SNTG2: variants seen among roughly 807,000 people sequenced by gnomAD.
SNTG2 encodes the protein gamma-2-syntrophin.
A neutral mutation model predicts 70.9 loss-of-function variants in SNTG2; 74 were observed. The ratio of observed to expected loss-of-function variants is 1.04; its 90% confidence interval spans 0.86 to 1.27. The LOEUF is 1.27. SNTG2 is among the 50% of genes most tolerant of loss of function. The pLI, the probability that SNTG2 is intolerant of heterozygous loss-of-function variation, is 0.00. For synonymous variants in SNTG2, 278 were observed against 273.8 expected (o/e 1.02, Z -0.15); for missense variants, 717 against 690.7 (o/e 1.04, Z -0.43).
chr2:1,204,553 T>C (rs1174655689), intron 8 of SNTG2, among the ~76,000 whole-genome samples: 1 of 152,182 alleles, frequency 6.6e-6, no homozygotes, highest in African/African-American at 2.4e-5. Context: ...AAGTTTTAAA[T>C]TGTGCACATT....
intron 6 of SNTG2, among the ~76,000 whole-genome samples, chr2:1,144,795 C>T (rs376121622): frequency 3.3e-5 from 5 of 152,196 alleles, no homozygotes; most frequent in African/African-American, 1.2e-4. Context: ...CCTCCCGTAA[C>T]ACATGGGAAT....
chr2:1,311,795 T>C (rs1681004968), intron 15 of SNTG2, among the ~76,000 whole-genome samples: 1 of 152,232 alleles, frequency 6.6e-6, no homozygotes, highest in Non-Finnish European at 1.5e-5. Flanking sequence ...GGAGTTACCA[T>C]GCTTATATTC....
chr2:1,059,909 A>G (rs930080644), intron 1 of SNTG2, among the ~76,000 whole-genome samples: 1 of 152,180 alleles, frequency 6.6e-6, no homozygotes, highest in Non-Finnish European at 1.5e-5. Flanking sequence ...CAGGGGTACA[A>G]AAGTTCAGTA....
chr2:1,285,894 T>C (rs571856645), intron 14 of SNTG2, among the ~76,000 whole-genome samples: 6 of 152,306 alleles, frequency 3.9e-5, no homozygotes, highest in Admixed American at 1.3e-4. Context: ...ACCTTAATCA[T>C]AGGGCATGGT....
intron 1 of SNTG2, among the ~76,000 whole-genome samples, chr2:987,264 G>A (rs1419405427): frequency 6.6e-6 from 1 of 152,174 alleles, no homozygotes. Context: ...GACTGCGCTG[G>A]GTTAAAGCCA....
At chr2:1,030,455 A>T (rs1379413531) in intron 1 of SNTG2, among the ~76,000 whole-genome samples, 3 of 152,184 alleles carry the variant, frequency 2.0e-5, no homozygotes, top group Non-Finnish European at 4.4e-5. Context: ...GTACAAACAC[A>T]CAACAAGATG....
chr2:1,152,794 A>T (rs1345373263), intron 6 of SNTG2, among the ~76,000 whole-genome samples: 2 of 152,192 alleles, frequency 1.3e-5, no homozygotes, highest in African/African-American at 2.4e-5. Flanking sequence ...ATTTACTTAA[A>T]GTTAACTGAT....
intron 1 of SNTG2, among the ~76,000 whole-genome samples, chr2:991,407 A>ACACAC (rs1553305482): frequency 6.6e-5 from 10 of 151,232 alleles, no homozygotes; most frequent in Middle Eastern, 3.4e-3. Context: ...ACACACACAC[A>ACACAC]ATTATGACTT....
chr2:1,234,430 CTAA>C (rs1676471700), intron 9 of SNTG2, among the ~76,000 whole-genome samples: 1 of 152,192 alleles, frequency 6.6e-6, no homozygotes, highest in African/African-American at 2.4e-5. Flanking sequence ...AAATTACAGA[CTAA>C]TAATGTTTAT....
chr2:1,214,903 A>G (rs1162842747), intron 9 of SNTG2, among the ~76,000 whole-genome samples: 1 of 152,200 alleles, frequency 6.6e-6, no homozygotes, highest in Admixed American at 6.5e-5. Flanking sequence ...GTTGAAGTAC[A>G]TTCCCTTCAT....
chr2:958,897 CAA>C (rs1362823705), intron 1 of SNTG2, among the ~76,000 whole-genome samples: 1 of 152,074 alleles, frequency 6.6e-6, no homozygotes, highest in African/African-American at 2.4e-5. Flanking sequence ...ATATCTAAAA[CAA>C]TGATGCTTGG....
chr2:1,304,068 A>G (rs1680573013), intron 14 of SNTG2, among the ~76,000 whole-genome samples: 2 of 152,234 alleles, frequency 1.3e-5, no homozygotes, highest in South Asian at 2.1e-4. Flanking sequence ...TTCTAGAAGA[A>G]AAAAGGAAGA....
At chr2:1,174,791 A>G (rs1195015291) in intron 8 of SNTG2, among the ~76,000 whole-genome samples, 1 of 151,950 alleles carries the variant, frequency 6.6e-6, no homozygotes, top group Non-Finnish European at 1.5e-5. Context: ...AGTTTTGTTT[A>G]CTGTTTCTAT....
rs1465333707 is a variant in SNTG2, at chr2:974,472, A to AGGGCATCAGTGC, written c.72+23405_72+23416dup. Among the ~76,000 whole-genome samples the AGGGCATCAGTGC allele has an allele frequency of 5.3e-5, 8 of 152,250 alleles. No homozygotes were observed. In the South Asian group the frequency reaches 1.0e-3, roughly 20 times the overall value. On this transcript the variant is annotated intron_variant, in intron 1 of 16. Transcript: ENST00000308624. ...TCAGTTTGACCCTGGGGTGAGCGTT[A>AGGGCATCAGTGC]GGGCATCAGTGCATAAGTGACCCCT...
At chr2:1,177,673 G>GA (rs916968290) in intron 8 of SNTG2, among the ~76,000 whole-genome samples, 5 of 149,284 alleles carry the variant, frequency 3.3e-5, no homozygotes, top group African/African-American at 5.0e-5. Context: ...TGCTTCAAAA[G>GA]AAAAAAATAA....
intron 1 of SNTG2, among the ~76,000 whole-genome samples, chr2:967,565 C>T (rs1660607988): frequency 6.6e-6 from 1 of 152,142 alleles, no homozygotes; most frequent in African/African-American, 2.4e-5. Flanking sequence ...CCTTTGGTCA[C>T]AATGTATCAT....
chr2:1,257,933 C>T (rs1678214569), intron 12 of SNTG2, among the ~76,000 whole-genome samples: 1 of 152,180 alleles, frequency 6.6e-6, no homozygotes, highest in Admixed American at 6.5e-5. Context: ...GAAGATGTCT[C>T]TGAATAGGGT....
intron 12 of SNTG2, among the ~76,000 whole-genome samples, chr2:1,254,032 C>A (rs902305613): frequency 2.0e-5 from 3 of 152,172 alleles, no homozygotes; most frequent in African/African-American, 7.2e-5. Context: ...AAGGGCAAAT[C>A]CACCCCCATG....
intron 1 of SNTG2, among the ~76,000 whole-genome samples, chr2:1,038,302 T>C (rs544051864): frequency 2.2e-4 from 34 of 152,376 alleles, no homozygotes; most frequent in African/African-American, 8.2e-4. Flanking sequence ...ATTCATTTTC[T>C]GTAACCACGT....
Sources: gnomAD v4.1 joint callset for allele counts (sites outside exome capture counted in the v4.1 genomes callset) on GRCh38, gnomAD v4.1.1 for gene constraint, MANE v1.5 for transcripts, NCBI Gene and HGNC (gene_info 2026-07-23, HGNC 2026-07-21) for gene names.